Variants in EXD3 observed in about 807,000 individuals in gnomAD.
EXD3 encodes the protein exonuclease mut-7 homolog.
A neutral mutation model predicts 98.0 loss-of-function variants in EXD3; 92 were observed. The observed-to-expected ratio is 0.94, with a 90% CI of 0.79 to 1.12. EXD3 has a LOEUF of 1.12. Ranked by LOEUF, EXD3 falls within the 50% of genes most tolerant of loss-of-function variation. The probability of loss-of-function intolerance (pLI) is 0.00; values close to 1 mark genes in which losing one functional copy is unlikely to be tolerated. For missense variants in EXD3, 1,222 were observed against 1,191.6 expected (o/e 1.03, Z -0.38); for synonymous variants, 569 against 526.0 (o/e 1.08, Z -1.12).
intron 1 of EXD3, among the ~76,000 whole-genome samples, chr9:137,420,138 C>A (rs780138631): frequency 6.6e-6 from 1 of 151,510 alleles, no homozygotes; most frequent in East Asian, 1.9e-4. Context: ...CCAGCCTGGG[C>A]GACAGAGGGA....
At chr9:137,392,904 G>T (rs1320241716) in intron 2 of EXD3, 2 of 483,720 alleles carry the variant, frequency 4.1e-6, no homozygotes, top group Non-Finnish European at 7.7e-6. Flanking sequence ...CGGGCACCAT[G>T]TCTGTTCTGG....
intron 17 of EXD3, among the ~76,000 whole-genome samples, chr9:137,330,989 G>A (rs1833039752): frequency 6.6e-6 from 1 of 152,144 alleles, no homozygotes; most frequent in Non-Finnish European, 1.5e-5. Flanking sequence ...GATGACAGCA[G>A]GGAAGGTATG....
chr9:137,422,527 T>G (rs1838581083), intron 1 of EXD3, among the ~76,000 whole-genome samples: 1 of 152,208 alleles, frequency 6.6e-6, no homozygotes, highest in Non-Finnish European at 1.5e-5. Context: ...GGCTCTGTTT[T>G]CTTTAAAAAC....
chr9:137,417,754 C>T (rs1276087670), intron 1 of EXD3, among the ~76,000 whole-genome samples: 2 of 152,134 alleles, frequency 1.3e-5, no homozygotes, highest in Admixed American at 6.5e-5. Context: ...CCGGGCACAC[C>T]GGCCACTGCG....
chr9:137,349,463 C>A lies in EXD3; in HGVS notation c.1563G>T (p.Leu521=), dbSNP rs1159692939. The A allele has an allele frequency of 3.4e-5, 54 of 1,603,390 alleles. No homozygotes were observed. The highest frequency in any genetic ancestry group is 4.4e-5 in the Non-Finnish European group (52 of 1,178,048). Residue 521 remains leucine (L), a synonymous_variant, in exon 15 of 22, where the codon CTG becomes CTT. Coordinates refer to ENST00000340951, the MANE Select transcript of EXD3 (RefSeq NM_017820.5). The surrounding 1 kb of genome is among the most constrained non-coding windows in gnomAD (Gnocchi z 7.4). ...GGGCTGTGCCCAGCACCTGCTGCAC[C>A]AGGAGGCTCAGGCCCCTCAGCTCCC... is the stretch of plus-strand genomic sequence containing the variant. The part of the protein sequence containing the change: ...RARELRGLSL[L]VQQVLGTALD...
chr9:137,392,943 C>A (rs1458188262), intron 2 of EXD3: 7 of 566,690 alleles, frequency 1.2e-5, no homozygotes, highest in African/African-American at 2.0e-5. Context: ...CCAGGGAGGG[C>A]CATTAGTGTT....
chr9:137,378,556 G>T (rs1836033000), intron 3 of EXD3, among the ~76,000 whole-genome samples: 1 of 151,720 alleles, frequency 6.6e-6, no homozygotes, highest in African/African-American at 2.4e-5. Flanking sequence ...GTTTGTAGAT[G>T]AATTTTCAGA....
chr9:137,413,019 T>C (rs1183759028), intron 1 of EXD3, among the ~76,000 whole-genome samples: 1 of 152,108 alleles, frequency 6.6e-6, no homozygotes, highest in Non-Finnish European at 1.5e-5. Context: ...CTGAGCTCGG[T>C]AATCCTCCTG....
intron 17 of EXD3, among the ~76,000 whole-genome samples, chr9:137,328,641 GC>G (rs1832661963): frequency 9.2e-5 from 2 of 21,776 alleles, no homozygotes; most frequent in Admixed American, 1.1e-3. Flanking sequence ...ACTACACGGG[GC>G]TACACGGGAC....
Position 137,338,892 on chromosome 9 carries a change from C to CAAA in EXD3, c.1998+9176_1998+9178dup, listed in dbSNP as rs766408966. Among the ~76,000 whole-genome samples, 582 of 63,568 alleles carry CAAA rather than the reference C, an allele frequency of 9.2e-3. 5 individuals carry two copies. The highest frequency in any genetic ancestry group is 0.027 in the African/African-American group (541 of 20,280). The allele number at this position is 63,568 out of a possible 152,430, so 41.7% of individuals were successfully genotyped here. On this transcript the variant is annotated intron_variant, in intron 17 of 21. Coordinates refer to ENST00000340951, the MANE Select transcript of EXD3 (RefSeq NM_017820.5). ...TGGGCAACAGAGCGAGACTCCATCTCAAAAAAAAAAAAAAAAAGGGCAGTA... is the reference window on the plus strand; with the variant it reads ...TGGGCAACAGAGCGAGACTCCATCTCAAAAAAAAAAAAAAAAAAAAGGGCAGTA...
chr9:137,373,224 C>T (rs865777281), intron 4 of EXD3, among the ~76,000 whole-genome samples, 152 bp from the exon 5 acceptor site: 5 of 152,198 alleles, frequency 3.3e-5, no homozygotes, highest in African/African-American at 4.8e-5. Flanking sequence ...ACGGGAGGGG[C>T]GAGGCCGGTC....
intron 7 of EXD3, among the ~76,000 whole-genome samples, chr9:137,358,833 G>A (rs1834918833): frequency 6.6e-6 from 1 of 151,816 alleles, no homozygotes; most frequent in South Asian, 2.1e-4. Context: ...CTATAGGCAT[G>A]CCCCACCACG....
chr9:137,329,403 C>T, intron 17 of EXD3, among the ~76,000 whole-genome samples: 1 of 12,210 alleles, frequency 8.2e-5, no homozygotes, highest in Admixed American at 8.4e-4. Flanking sequence ...CTACACGGGG[C>T]TACACGGGGC....
chr9:137,392,586 G>C lies in EXD3; in HGVS notation c.55+2717C>G, dbSNP rs201233846. 2.7e-3 allele frequency: 657 copies of C among 239,742 alleles called. 1 individual carries two copies. Among genetic ancestry groups the C allele is most frequent in the South Asian group, 9.9e-3 (185 of 18,692 alleles). 14.9% of individuals were successfully genotyped at this position (239,742 alleles called of 1,614,324 possible). A position where few individuals can be genotyped will look rare whatever the true frequency, so the allele number is the denominator to read the frequency against. ...GGCCTCTTGTGGAGCTGGCCTTGTT[G>C]ACAGAGCTGGACACGAACCATGTAA... On this transcript the variant is annotated intron_variant, in intron 2 of 21. Transcript: ENST00000340951.
chr9:137,400,029 C>CAAAAAAAAAAAAAAAAAAAAA (rs36029399), intron 1 of EXD3, among the ~76,000 whole-genome samples: 1 of 73,330 alleles, frequency 1.4e-5, no homozygotes, highest in African/African-American at 6.4e-5. Context: ...AACTCCATCT[C>CAAAAAAAAAAAAAAAAAAAAA]AAAAAAAAAA....
chr9:137,313,653 G>A (rs1045284844), intron 19 of EXD3, among the ~76,000 whole-genome samples: 1 of 152,136 alleles, frequency 6.6e-6, no homozygotes, highest in Non-Finnish European at 1.5e-5. Flanking sequence ...GGTCCGTCGG[G>A]CTGGGGCCCT....
chr9:137,372,442 C>T (rs529211630), intron 5 of EXD3, among the ~76,000 whole-genome samples: 7 of 152,352 alleles, frequency 4.6e-5, no homozygotes, highest in African/African-American at 1.2e-4. Context: ...CCTTCCAGGG[C>T]GCTCACTGCC....
intron 4 of EXD3, 57 bp downstream of exon 4, chr9:137,373,369 T>G: frequency 6.4e-7 from 1 of 1,573,782 alleles, no homozygotes; most frequent in Non-Finnish European, 8.6e-7. Flanking sequence ...CCGGGTCCAC[T>G]ATGCTGAGGG....
chr9:137,417,726 C>G (rs898612024), intron 1 of EXD3, among the ~76,000 whole-genome samples: 2 of 152,114 alleles, frequency 1.3e-5, no homozygotes, highest in Admixed American at 6.5e-5. Flanking sequence ...GCGACATCAC[C>G]GACACCACGT....
Sources: gnomAD v4.1 joint callset for allele counts (sites outside exome capture counted in the v4.1 genomes callset) on GRCh38, gnomAD v4.1.1 for gene constraint, Gnocchi (gnomAD v3.1) non-coding constraint, MANE v1.5 for transcripts, NCBI Gene and HGNC (gene_info 2026-07-23, HGNC 2026-07-21) for gene names.